The following SDK1 variants were observed in gnomAD, a reference collection of about 807,000 sequenced individuals.
The protein encoded by SDK1 is protein sidekick-1.
In SDK1, 157 loss-of-function variants were observed where a neutral mutation model predicts 245.5. The ratio of observed to expected loss-of-function variants is 0.64; its 90% CI spans 0.56 to 0.73. The LOEUF (loss-of-function observed/expected upper bound fraction) is 0.73, where lower values mean the gene tolerates loss of function less well. SDK1 is among the 30% of genes least tolerant of loss of function. The pLI is 0.00. For missense variants in SDK1, 3,583 were observed against 3,002.3 expected, an observed-to-expected ratio of 1.19 and a Z score of -4.52; for synonymous variants, 1,647 against 1,278.5, an observed-to-expected ratio of 1.29 and a Z score of -6.15.
chr7:3,552,420 C>T (rs1379118025), intron 1 of SDK1, among the ~76,000 whole-genome samples: 2 of 152,214 alleles, frequency 1.3e-5, no homozygotes, highest in South Asian at 4.1e-4. Context: ...TGAATGCTCA[C>T]TCAGCCACTC....
At chr7:4,122,976 G>A (rs538943287) in intron 25 of SDK1, among the ~76,000 whole-genome samples, 3 of 152,258 alleles carry the variant, frequency 2.0e-5, no homozygotes, top group Admixed American at 2.0e-4. Context: ...CTATCTCCAC[G>A]TGAGAAGTTC....
intron 13 of SDK1, among the ~76,000 whole-genome samples, chr7:3,975,638 A>G (rs1422197495): frequency 2.0e-5 from 3 of 152,230 alleles, no homozygotes; most frequent in Non-Finnish European, 2.9e-5. Context: ...GTGAACTCAC[A>G]AACAGCTTTC....
chr7:3,457,604 G>C (rs1334058749), intron 1 of SDK1, among the ~76,000 whole-genome samples: 1 of 152,166 alleles, frequency 6.6e-6, no homozygotes, highest in Non-Finnish European at 1.5e-5. Context: ...TTTATGATTA[G>C]CTCATCTCTA....
At chr7:3,609,366 C>G (rs936501292) in intron 1 of SDK1, among the ~76,000 whole-genome samples, 2 of 152,120 alleles carry the variant, frequency 1.3e-5, no homozygotes, top group African/African-American at 4.8e-5. Context: ...TGTCCAAGAT[C>G]ACAGAGCTAG....
At chr7:4,203,685 A>G (rs1159090540) in intron 35 of SDK1, among the ~76,000 whole-genome samples, 1 of 152,212 alleles carries the variant, frequency 6.6e-6, no homozygotes, top group Non-Finnish European at 1.5e-5. Context: ...GGGCTTGTCA[A>G]TGGCAGAGCC....
rs746603095 is a variant in SDK1 at position 4,114,225 on chromosome 7, C to T, written c.3774C>T (p.Val1258=). 1.1e-5 allele frequency: 17 copies of T among 1,612,946 alleles called. No homozygotes were observed. The highest frequency in any genetic ancestry group is 5.3e-5 in the African/African-American group (4 of 74,908). ...TGCAGATGCAGGCCTTCAACGCCGT[C>T]GGGGCTGGGCCGTGGAGCGAGGTGG... is the stretch of plus-strand genomic sequence containing the variant. ...YELQMQAFNA[V]GAGPWSEVVR... is the part of the protein sequence containing the mutation. The change falls in exon 25 of 45, where the codon GTC becomes GTT. Residue 1258 remains valine, a synonymous_variant. Transcript: ENST00000404826.
At chr7:3,317,405 C>G (rs1416382834) in intron 1 of SDK1, among the ~76,000 whole-genome samples, 2 of 152,138 alleles carry the variant, frequency 1.3e-5, no homozygotes, top group African/African-American at 4.8e-5. Context: ...CATCTATCTG[C>G]TTTCCAGACT....
At chr7:3,962,574 A>G in intron 8 of SDK1, 83 bp from the exon 9 acceptor site, 1 of 1,210,578 alleles carries the variant, frequency 8.3e-7, no homozygotes, top group East Asian at 2.5e-5. Flanking sequence ...AAATATTGGC[A>G]TTCTAGCCTT....
chr7:3,410,650 G>T (rs996268577), intron 1 of SDK1, among the ~76,000 whole-genome samples: 3 of 139,016 alleles, frequency 2.2e-5, no homozygotes, highest in Non-Finnish European at 4.5e-5. Flanking sequence ...GCAGTGGCAC[G>T]ATCTCAGCTT....
chr7:3,377,315 A>T (rs1039705497), intron 1 of SDK1, among the ~76,000 whole-genome samples: 9 of 152,252 alleles, frequency 5.9e-5, no homozygotes, highest in East Asian at 1.9e-4. Flanking sequence ...ATGTTTAACG[A>T]TAAAGGACTA....
intron 4 of SDK1, among the ~76,000 whole-genome samples, chr7:3,761,181 T>C (rs1304991601): frequency 1.3e-5 from 2 of 151,626 alleles, no homozygotes; most frequent in Non-Finnish European, 2.9e-5. Context: ...CCAAGTTGCA[T>C]AGAGCTTTTT....
At chr7:3,674,823 C>G (rs1783839398) in intron 4 of SDK1, among the ~76,000 whole-genome samples, 1 of 152,100 alleles carries the variant, frequency 6.6e-6, no homozygotes, top group Admixed American at 6.5e-5. Context: ...AAGATTGGCT[C>G]TGTGTTCAGC....
intron 5 of SDK1, among the ~76,000 whole-genome samples, chr7:3,881,238 C>G (rs1583507124): frequency 1.3e-5 from 2 of 152,268 alleles, no homozygotes; most frequent in East Asian, 3.9e-4. Flanking sequence ...GTTATTCTTC[C>G]TGATGCTCTC....
At chr7:3,851,990 A>C (rs1163812573) in intron 5 of SDK1, among the ~76,000 whole-genome samples, 1 of 152,166 alleles carries the variant, frequency 6.6e-6, no homozygotes, top group Non-Finnish European at 1.5e-5. Context: ...TGGTGCACTG[A>C]GAGGTTGCTG....
chr7:3,332,209 T>G (rs1385185803), intron 1 of SDK1, among the ~76,000 whole-genome samples: 1 of 152,224 alleles, frequency 6.6e-6, no homozygotes, highest in Non-Finnish European at 1.5e-5. Flanking sequence ...TTAAAAAATT[T>G]CTTTATTGAA....
chr7:3,439,934 C>CTT (rs34797375), intron 1 of SDK1, among the ~76,000 whole-genome samples: 2 of 151,628 alleles, frequency 1.3e-5, no homozygotes, highest in African/African-American at 4.9e-5. Context: ...CTGTGCTGGA[C>CTT]TTTTTTTTTA....
chr7:3,309,552 T>C (rs1021142582), intron 1 of SDK1, among the ~76,000 whole-genome samples: 1 of 124,638 alleles, frequency 8.0e-6, no homozygotes, highest in Admixed American at 8.9e-5. Context: ...TACATGAGTG[T>C]ATAAACTGTT....
At chr7:3,984,741 T>C (rs1220127838) in intron 13 of SDK1, among the ~76,000 whole-genome samples, 1 of 152,168 alleles carries the variant, frequency 6.6e-6, no homozygotes, top group Non-Finnish European at 1.5e-5. Context: ...TTTCACGGCC[T>C]ATCTCCCATC....
At chr7:3,993,919 T>C (rs559808243) in intron 14 of SDK1, among the ~76,000 whole-genome samples, 1 of 152,316 alleles carries the variant, frequency 6.6e-6, no homozygotes, top group Admixed American at 6.5e-5. Context: ...CCTCAGCTTC[T>C]CTGCAAGCAA....
Sources: allele counts gnomAD v4.1 joint callset (sites outside exome capture counted in the v4.1 genomes callset), GRCh38; gene constraint gnomAD v4.1.1; transcripts MANE v1.5; gene names NCBI Gene and HGNC (gene_info 2026-07-23, HGNC 2026-07-21).